The following MRE11 variants were observed in gnomAD, a reference collection of about 807,000 sequenced individuals.
MRE11 encodes MRE11 double strand break repair nuclease.
A neutral mutation model predicts 91.7 loss-of-function variants in MRE11; 62 were observed. The ratio of observed to expected loss-of-function variants is 0.68; its 90% CI spans 0.55 to 0.84. The LOEUF is 0.84. Among genes scored for constraint, MRE11 ranks in the 40% least tolerant of loss-of-function variants. MRE11 has a pLI of 0.00. For missense variants in MRE11, 796 were observed against 852.9 expected, an observed-to-expected ratio of 0.93 and a Z score of 0.83; for synonymous variants, 273 against 271.4, an observed-to-expected ratio of 1.01 and a Z score of -0.06.
chr11:94,502,108 C>T, the MRE11 span, among the ~76,000 whole-genome samples: 1 of 152,152 alleles, frequency 6.6e-6, no homozygotes, highest in African/African-American at 2.4e-5. Flanking sequence ...GCTGTATGTG[C>T]TTCACGTGTG....
At position 94,460,872 on chromosome 11, in the gene MRE11, T is replaced by A. The variant is rs562157845; in HGVS notation, c.1326+64A>T. On this transcript the variant is annotated intron_variant, in intron 12 of 19. Coordinates refer to ENST00000323929, the MANE Select transcript of MRE11 (RefSeq NM_005591.4). The stretch of plus-strand genomic sequence containing the variant: ...TTGTTTAAACTATCAACTAAACATA[T>A]CCTAAATTAAAATCTGTTACTATAA... The A allele has an allele frequency of 3.4e-5, 45 of 1,309,512 alleles. No individual in the cohort carries two copies. The African/African-American group carries it at 5.7e-4, about 16-fold the overall frequency. The allele number at this position is 1,309,512 out of a possible 1,614,324, so 81.1% of individuals were successfully genotyped here.
chr11:94,459,278 T>G (rs1179579761), intron 13 of MRE11, 130 bp downstream of exon 13: 1 of 964,848 alleles, frequency 1.0e-6, no homozygotes, highest in Non-Finnish European at 1.6e-6. Context: ...TTTTATCATT[T>G]CAATTTTATA....
chr11:94,448,623 A>G (rs1327198364), intron 14 of MRE11, among the ~76,000 whole-genome samples: 1 of 151,980 alleles, frequency 6.6e-6, no homozygotes, highest in African/African-American at 2.4e-5. Flanking sequence ...AAAAAAATGA[A>G]AAGAAACGGA....
intron 14 of MRE11, among the ~76,000 whole-genome samples, chr11:94,448,831 C>T (rs607974): frequency 0.24 from 36,619 of 151,922 alleles, 4,546 homozygotes; most frequent in East Asian, 0.32. Context: ...AGCAATTTTG[C>T]CTTGATCTTC....
At chr11:94,462,559 T>C (rs182248229) in intron 11 of MRE11, among the ~76,000 whole-genome samples, 12 of 152,276 alleles carry the variant, frequency 7.9e-5, no homozygotes, top group African/African-American at 2.6e-4. Flanking sequence ...CAAAACAGCA[T>C]GGTGCTGGTT....
the MRE11 span, among the ~76,000 whole-genome samples, chr11:94,503,551 A>G: frequency 6.6e-6 from 1 of 152,080 alleles, no homozygotes. Flanking sequence ...TTAGCTGGGC[A>G]TGGTGGCACA....
rs569426310 is a variant in MRE11, at chr11:94,450,033, T to C, written c.1564-2595A>G. On this transcript the variant is annotated intron_variant, in intron 14 of 19. Coordinates refer to ENST00000323929, the MANE Select transcript of MRE11 (RefSeq NM_005591.4). Reference sequence around the variant, plus strand: ...ACCCCCTCAACATGTTTAGTGTTCATTCCTACATGCAAAAAGGCTGCAATA... The same window carrying C: ...ACCCCCTCAACATGTTTAGTGTTCACTCCTACATGCAAAAAGGCTGCAATA... Among the ~76,000 whole-genome samples, 143 of 152,302 alleles carry C rather than the reference T, an allele frequency of 9.4e-4. 1 individual carries two copies. The highest frequency in any genetic ancestry group is 1.7e-3 in the Non-Finnish European group (116 of 68,024).
intron 10 of MRE11, among the ~76,000 whole-genome samples, chr11:94,465,452 G>A (rs1426018875): frequency 6.9e-6 from 1 of 144,764 alleles, no homozygotes; most frequent in Non-Finnish European, 1.5e-5. Flanking sequence ...CTGGAATGCA[G>A]AGGCACAATC....
At position 94,463,391 on chromosome 11, in the gene MRE11, G is replaced by A. The variant is rs1946473899; in HGVS notation, c.1225+722C>T. 2.6e-5 allele frequency among the ~76,000 whole-genome samples: 4 copies of A among 152,272 alleles called. No homozygotes were observed. In the South Asian group the frequency reaches 8.3e-4, roughly 32 times the overall value. On this transcript the variant is annotated intron_variant, in intron 11 of 19. Transcript: ENST00000323929. ...AGTGTGGTGATTCCTCAAGGACCTA[G>A]AACTAGAAATACCATTTGACCCAGC... is the stretch of plus-strand genomic sequence containing the variant.
intron 8 of MRE11, 33 bp from the exon 9 acceptor site, chr11:94,470,675 G>A: frequency 3.1e-6 from 5 of 1,609,788 alleles, no homozygotes; most frequent in Non-Finnish European, 4.2e-6. Context: ...CCGAGTCACA[G>A]TGTAAATTTC....
intron 14 of MRE11, among the ~76,000 whole-genome samples, chr11:94,456,061 A>T (rs13447687): frequency 1.1e-3 from 169 of 152,174 alleles, no homozygotes; most frequent in African/African-American, 3.8e-3. Context: ...TGCACTTGCT[A>T]AACAGGTTTT....
At chr11:94,501,154 G>A in the MRE11 span, among the ~76,000 whole-genome samples, 1 of 152,262 alleles carries the variant, frequency 6.6e-6, no homozygotes, top group African/African-American at 2.4e-5. Flanking sequence ...ATTAAGTTCA[G>A]AAGAGAGTAA....
At chr11:94,508,454 G>A in the MRE11 span, among the ~76,000 whole-genome samples, 2 of 151,980 alleles carry the variant, frequency 1.3e-5, no homozygotes, top group Non-Finnish European at 2.9e-5. Flanking sequence ...TTTGACATGC[G>A]GTAGGAGTCA....
the MRE11 span, among the ~76,000 whole-genome samples, chr11:94,509,979 A>G: frequency 6.6e-6 from 1 of 152,000 alleles, no homozygotes. Context: ...TTGACCTATA[A>G]TTTTCCTTTT....
In MRE11 at chr11:94,437,200, CATTT is replaced by C. The variant is rs1945643151; in HGVS notation, c.1899_1902del (p.Asn634SerfsTer9). On this transcript the variant is annotated frameshift_variant, in exon 17 of 20. Transcript: ENST00000323929. LOFTEE classifies it high-confidence loss of function. Reference sequence around the variant, plus strand: ...ACCTCTGAATAATTCTTAGTAGTGACATTTCGGGAAGGCTGCTGTCTTGTAGATT... The same window carrying C: ...ACCTCTGAATAATTCTTAGTAGTGACCGGGAAGGCTGCTGTCTTGTAGATT... The C allele has an allele frequency of 6.2e-7, 1 of 1,612,748 alleles. No homozygotes were observed. Among genetic ancestry groups the C allele is most frequent in the African/African-American group, 1.3e-5 (1 of 74,854 alleles).
At chr11:94,494,170 G>A (rs370535610), upstream of MRE11, 24 of 152,382 alleles carry the variant, frequency 1.6e-4, no homozygotes, top group African/African-American at 5.8e-4. Flanking sequence ...GTGGTCCCCA[G>A]GTAGGACCGA....
At chr11:94,461,135 T>A in intron 11 of MRE11, 99 bp from the exon 12 acceptor site, 1 of 972,232 alleles carries the variant, frequency 1.0e-6, no homozygotes, top group Non-Finnish European at 1.5e-6. Context: ...GGCCAAACTT[T>A]AGCAACTGCC....
chr11:94,455,066 G>C (rs1946212959), intron 14 of MRE11, among the ~76,000 whole-genome samples: 1 of 152,138 alleles, frequency 6.6e-6, no homozygotes, highest in East Asian at 1.9e-4. Context: ...CAGTGATTCT[G>C]ATGTGTTGCA....
chr11:94,445,212 T>C (rs1031242407), intron 16 of MRE11, among the ~76,000 whole-genome samples: 3 of 152,350 alleles, frequency 2.0e-5, no homozygotes, highest in South Asian at 4.1e-4. Flanking sequence ...ACTGTCCATA[T>C]AGTGACCAAC....
Sources: gnomAD v4.1 joint callset for allele counts (sites outside exome capture counted in the v4.1 genomes callset) on GRCh38, gnomAD v4.1.1 for gene constraint, MANE v1.5 for transcripts, NCBI Gene and HGNC (gene_info 2026-07-23, HGNC 2026-07-21) for gene names.